Variants in TBL1XR1 observed in about 807,000 individuals in gnomAD.
TBL1XR1 encodes the protein F-box-like/WD repeat-containing protein TBL1XR1.
Under a neutral mutation model 66.9 loss-of-function variants are expected in TBL1XR1, and 5 were observed. The ratio of observed to expected loss-of-function variants is 0.07; its 90% CI spans 0.04 to 0.16. The LOEUF (loss-of-function observed/expected upper bound fraction) is 0.16, where lower values mean the gene tolerates loss of function less well. Among genes scored for constraint, TBL1XR1 ranks in the 10% least tolerant of loss-of-function variants. TBL1XR1 has a pLI of 1.00. For synonymous variants in TBL1XR1, 210 were observed against 206.0 expected (o/e 1.02, Z -0.17); for missense variants, 238 against 623.2 (o/e 0.38, Z 6.58).
At chr3:177,182,374 G>C (rs1204424640) in intron 1 of TBL1XR1, among the ~76,000 whole-genome samples, 1 of 152,168 alleles carries the variant, frequency 6.6e-6, no homozygotes, top group African/African-American at 2.4e-5. Flanking sequence ...GACAGAGTAA[G>C]ATCCTGTCTC....
At chr3:177,184,148 C>T (rs938583567) in intron 1 of TBL1XR1, among the ~76,000 whole-genome samples, 1 of 152,134 alleles carries the variant, frequency 6.6e-6, no homozygotes, top group Non-Finnish European at 1.5e-5. Context: ...TACTGGTAAA[C>T]TAAATAGCCA....
intron 15 of TBL1XR1, chr3:177,025,841 T>C (rs554061140): frequency 1.4e-5 from 5 of 359,020 alleles, no homozygotes; most frequent in Non-Finnish European, 2.5e-5. Flanking sequence ...ATGAAAGATA[T>C]CACAGATTAT....
Position 177,046,871 on chromosome 3 carries a change from T to C in TBL1XR1, c.864+429A>G, listed in dbSNP as rs1396486588. ...AAGAAGGTCCTATTTCCAACTCATC[T>C]ATATTCACCAGCCGACTTAGACAAA... On this transcript the variant is annotated intron_variant, in intron 9 of 15. Coordinates refer to ENST00000457928, the MANE Select transcript of TBL1XR1 (RefSeq NM_024665.7). Among the ~76,000 whole-genome samples, 3 of 152,190 alleles carry C rather than the reference T, an allele frequency of 2.0e-5. 1 individual carries two copies. The highest frequency in any genetic ancestry group is 4.4e-5 in the Non-Finnish European group (3 of 68,022).
intron 1 of TBL1XR1, among the ~76,000 whole-genome samples, chr3:177,134,973 G>GTGTGTGTC (rs758156655): frequency 6.6e-6 from 1 of 150,540 alleles, no homozygotes; most frequent in Admixed American, 6.6e-5. Context: ...GTGTCTGTGT[G>GTGTGTGTC]TGTGTCTGTG....
intron 1 of TBL1XR1, among the ~76,000 whole-genome samples, chr3:177,124,450 T>C (rs530973024): frequency 6.6e-6 from 1 of 152,264 alleles, no homozygotes; most frequent in Non-Finnish European, 1.5e-5. Context: ...TATTAGACAG[T>C]TCTATTAGTA....
intron 1 of TBL1XR1, among the ~76,000 whole-genome samples, chr3:177,101,482 T>C (rs1173348465): frequency 1.3e-5 from 2 of 152,178 alleles, no homozygotes; most frequent in Non-Finnish European, 2.9e-5. Flanking sequence ...AGGTGGGGCC[T>C]TTGAGAGGAA....
intron 1 of TBL1XR1, among the ~76,000 whole-genome samples, chr3:177,153,320 A>ATT (rs1731114793): frequency 6.6e-6 from 1 of 152,202 alleles, no homozygotes; most frequent in South Asian, 2.1e-4. Flanking sequence ...GCAGAAAGAA[A>ATT]ACAGCAGATA....
intron 2 of TBL1XR1, chr3:177,078,629 TAC>T (rs1213561618): frequency 1.3e-5 from 2 of 150,870 alleles, no homozygotes; most frequent in African/African-American, 2.4e-5. Flanking sequence ...AGTATTTACA[TAC>T]AGTTTTGCCT....
chr3:177,038,450 G>A lies in TBL1XR1; in HGVS notation c.926-16C>T. The A allele has an allele frequency of 2.0e-6, 3 of 1,501,700 alleles. No individual in the cohort carries two copies. The highest frequency in any genetic ancestry group is 2.8e-5 in the African/African-American group (2 of 71,798). The allele number at this position is 1,501,700 out of a possible 1,614,324, so 93.0% of individuals were successfully genotyped here. On this transcript the variant is annotated splice_polypyrimidine_tract_variant and intron_variant, in intron 10 of 15. Coordinates refer to ENST00000457928, the MANE Select transcript of TBL1XR1 (RefSeq NM_024665.7). ...AATGCTGGTGCTGCAAAGGAACAAA[G>A]GTTAGATTTGCTTTTATTCCACATG...
At chr3:177,186,993 C>T (rs1396422527) in intron 1 of TBL1XR1, among the ~76,000 whole-genome samples, 2 of 151,952 alleles carry the variant, frequency 1.3e-5, no homozygotes, top group African/African-American at 4.8e-5. Context: ...GATGAAACCC[C>T]GTCTCTCCTA....
At chr3:177,028,154 G>A (rs1350520251) in intron 14 of TBL1XR1, among the ~76,000 whole-genome samples, 2 of 152,104 alleles carry the variant, frequency 1.3e-5, no homozygotes, top group Non-Finnish European at 2.9e-5. Context: ...GCTGGCACAA[G>A]ACTTCTACAA....
intron 1 of TBL1XR1, among the ~76,000 whole-genome samples, chr3:177,109,134 T>G (rs11916281): frequency 6.6e-6 from 1 of 152,174 alleles, no homozygotes; most frequent in African/African-American, 2.4e-5. Context: ...ACAAGTAAAT[T>G]GTATATTTGT....
chr3:177,079,942 T>C (rs1721192573), intron 2 of TBL1XR1: 1 of 152,124 alleles, frequency 6.6e-6, no homozygotes, highest in Non-Finnish European at 1.5e-5. Flanking sequence ...CTCAGTTTCC[T>C]CATCTGTAAA....
chr3:177,154,064 T>C (rs1432278596), intron 1 of TBL1XR1, among the ~76,000 whole-genome samples: 1 of 151,810 alleles, frequency 6.6e-6, no homozygotes, highest in Admixed American at 6.6e-5. Context: ...CATTAATAAT[T>C]ATGTTAAATG....
At chr3:177,062,187 AGGATAT>A in intron 3 of TBL1XR1, among the ~76,000 whole-genome samples, 1 of 152,340 alleles carries the variant, frequency 6.6e-6, no homozygotes, top group African/African-American at 2.4e-5. Context: ...GCCCCTCTTT[AGGATAT>A]GCTCTCATAG....
At chr3:177,157,851 A>C (rs1731697615) in intron 1 of TBL1XR1, among the ~76,000 whole-genome samples, 1 of 152,222 alleles carries the variant, frequency 6.6e-6, no homozygotes, top group South Asian at 2.1e-4. Flanking sequence ...TCTTCGTCTT[A>C]AATTGTGGTA....
chr3:177,159,236 T>G (rs1038042532), intron 1 of TBL1XR1, among the ~76,000 whole-genome samples: 19 of 151,948 alleles, frequency 1.3e-4, no homozygotes, highest in African/African-American at 4.6e-4. Flanking sequence ...GGAAAGTAAA[T>G]AGCTCACTTC....
At chr3:177,057,463 A>T (rs190859101) in intron 3 of TBL1XR1, among the ~76,000 whole-genome samples, 1 of 152,210 alleles carries the variant, frequency 6.6e-6, no homozygotes, top group Non-Finnish European at 1.5e-5. Flanking sequence ...AGTACTCAAT[A>T]AACATTTTTT....
intron 1 of TBL1XR1, chr3:177,120,823 C>T (rs2108755315): frequency 6.6e-6 from 1 of 152,348 alleles, no homozygotes; most frequent in Admixed American, 6.5e-5. Context: ...ATTTTAATCA[C>T]TATCACATAG....
Sources: gnomAD v4.1 joint callset for allele counts (sites outside exome capture counted in the v4.1 genomes callset) on GRCh38, gnomAD v4.1.1 for gene constraint, MANE v1.5 for transcripts, NCBI Gene and HGNC (gene_info 2026-07-23, HGNC 2026-07-21) for gene names.